Variants in SEMA6D observed in about 807,000 individuals in gnomAD.
The protein encoded by SEMA6D is semaphorin-6D.
A neutral mutation model predicts 106.6 loss-of-function variants in SEMA6D; 35 were observed. The ratio of observed to expected loss-of-function variants is 0.33; its 90% CI spans 0.25 to 0.44. The LOEUF (loss-of-function observed/expected upper bound fraction) is 0.44, where lower values mean the gene tolerates loss of function less well. Ranked by LOEUF, SEMA6D falls within the 20% of genes least tolerant of loss-of-function variation. The pLI is 1.00. For synonymous variants in SEMA6D, 499 were observed against 487.7 expected (o/e 1.02, Z -0.31); for missense variants, 1,185 against 1,345.9 (o/e 0.88, Z 1.87).
At chr15:47,581,235 T>C (rs2076249083) in intron 3 of SEMA6D, 3 of 397,944 alleles carry the variant, frequency 7.5e-6, no homozygotes, top group Non-Finnish European at 1.5e-5. Flanking sequence ...CCTGATGAAG[T>C]TTTTGCATGT....
At chr15:47,631,008 T>G (rs752160047) in intron 4 of SEMA6D, among the ~76,000 whole-genome samples, 1 of 151,868 alleles carries the variant, frequency 6.6e-6, no homozygotes, top group Non-Finnish European at 1.5e-5. Context: ...TTAAAATATT[T>G]TATAGATTTT....
chr15:47,649,227 A>G (rs1409176085), intron 4 of SEMA6D, among the ~76,000 whole-genome samples: 1 of 152,196 alleles, frequency 6.6e-6, no homozygotes. Context: ...AAATAGAAGC[A>G]TTGAGCCAGA....
chr15:47,484,932 T>C (rs2141346299), intron 3 of SEMA6D, among the ~76,000 whole-genome samples: 1 of 152,338 alleles, frequency 6.6e-6, no homozygotes, highest in Non-Finnish European at 1.5e-5. Context: ...CAATTCTAGT[T>C]GATTGATTTG....
chr15:47,702,646 C>T (rs1022707499), intron 4 of SEMA6D, among the ~76,000 whole-genome samples: 41 of 152,220 alleles, frequency 2.7e-4, no homozygotes, highest in African/African-American at 9.6e-4. Flanking sequence ...AATGGATAAA[C>T]TATAATACAT....
At chr15:47,471,403 G>A (rs1230371570) in intron 3 of SEMA6D, among the ~76,000 whole-genome samples, 1 of 152,164 alleles carries the variant, frequency 6.6e-6, no homozygotes, top group African/African-American at 2.4e-5. Flanking sequence ...TTCACCTTCT[G>A]TCATAAGTCA....
intron 17 of SEMA6D, 83 bp downstream of exon 17, chr15:47,767,176 G>A: frequency 1.2e-6 from 1 of 861,644 alleles, no homozygotes; most frequent in East Asian, 2.7e-5. Flanking sequence ...CCCTCCTTTT[G>A]CGCAGTTTGG....
At chr15:47,391,051 TC>T (rs2040013063) in intron 1 of SEMA6D, among the ~76,000 whole-genome samples, 1 of 152,204 alleles carries the variant, frequency 6.6e-6, no homozygotes, top group Non-Finnish European at 1.5e-5. Context: ...CCTTGCTTCT[TC>T]ATTTTACTAG....
intron 1 of SEMA6D, among the ~76,000 whole-genome samples, chr15:47,213,690 A>G (rs282520): frequency 0.99 from 150,511 of 152,156 alleles, 74,459 homozygotes; most frequent in Middle Eastern, 1. Flanking sequence ...AGTAAAAGAC[A>G]TTTTGTGGTG....
At chr15:47,386,915 G>GT (rs2145740107) in intron 1 of SEMA6D, among the ~76,000 whole-genome samples, 1 of 152,350 alleles carries the variant, frequency 6.6e-6, no homozygotes, top group African/African-American at 2.4e-5. Flanking sequence ...TGCAATAGGG[G>GT]TAAGGGATGG....
At position 47,764,577 on chromosome 15, in the gene SEMA6D, A is replaced by G. The variant is rs750219290; in HGVS notation, c.1098-61A>G. Reference sequence around the variant, plus strand: ...CTGAGAATATACACTTATTCCTTAGATACAGTACATGGTGTGGCAGGGGCA... The same window carrying G: ...CTGAGAATATACACTTATTCCTTAGGTACAGTACATGGTGTGGCAGGGGCA... On this transcript the variant is annotated intron_variant, in intron 11 of 18. Coordinates refer to ENST00000536845, the MANE Select transcript of SEMA6D (RefSeq NM_001358351.3). 7.5e-6 allele frequency: 12 copies of G among 1,593,488 alleles called. 1 individual carries two copies. In the Admixed American group the frequency reaches 1.5e-4, roughly 20 times the overall value.
At chr15:47,678,127 A>G (rs2078281151) in intron 4 of SEMA6D, among the ~76,000 whole-genome samples, 1 of 152,192 alleles carries the variant, frequency 6.6e-6, no homozygotes, top group Admixed American at 6.5e-5. Flanking sequence ...GGCAGAGAGA[A>G]CATAATTTTA....
intron 3 of SEMA6D, among the ~76,000 whole-genome samples, chr15:47,474,363 G>T (rs1364282150): frequency 1.3e-5 from 2 of 152,122 alleles, no homozygotes; most frequent in East Asian, 3.9e-4. Context: ...ATTGTAGAAT[G>T]TTTGCTCAAT....
intron 3 of SEMA6D, among the ~76,000 whole-genome samples, chr15:47,547,990 A>G (rs1451507320): frequency 1.3e-5 from 2 of 152,084 alleles, no homozygotes; most frequent in Admixed American, 6.6e-5. Context: ...TTTTCTCTCA[A>G]ATGCAAAACT....
intron 3 of SEMA6D, among the ~76,000 whole-genome samples, chr15:47,599,760 A>G (rs2076609109): frequency 6.6e-6 from 1 of 152,128 alleles, no homozygotes; most frequent in Admixed American, 6.6e-5. Context: ...TAATGCATAC[A>G]AAGCTCTGTT....
rs2077902588 is a variant in SEMA6D, at chr15:47,660,811, T to A, written c.-55+59915T>A. On this transcript the variant is annotated intron_variant, in intron 4 of 19. Transcript: ENST00000558014. ...TTCATTTTATTTCTTTACACTTGTT[T>A]GGACAGCATAAGGGAGCACGTTTTC... Among the ~76,000 whole-genome samples the A allele has an allele frequency of 2.0e-5, 3 of 152,210 alleles. 1 individual carries two copies. The South Asian group carries it at 6.2e-4, about 32-fold the overall frequency.
intron 3 of SEMA6D, among the ~76,000 whole-genome samples, chr15:47,515,345 T>C (rs146760463): frequency 1.3e-5 from 2 of 152,330 alleles, no homozygotes; most frequent in African/African-American, 2.4e-5. Flanking sequence ...TGATGTATTA[T>C]ATATTTTAGT....
In SEMA6D at chr15:47,766,215, A is replaced by G. The variant is rs779452368; in HGVS notation, c.1646+33A>G. The stretch of plus-strand genomic sequence containing the variant: ...TACTTTGTCACATGAGCTAGGATGA[A>G]CTATCCTCTCCAGGGTCTCTAAAGC... On this transcript the variant is annotated intron_variant, in intron 15 of 18. Transcript: ENST00000536845. The G allele has an allele frequency of 2.2e-5, 35 of 1,566,040 alleles. No individual in the cohort carries two copies. In the Admixed American group the frequency reaches 5.7e-4, roughly 26 times the overall value.
Position 47,343,444 on chromosome 15 carries a change from CCCCTT to C in SEMA6D, c.-238-68946_-238-68942del, listed in dbSNP as rs2037911018. Among the ~76,000 whole-genome samples, 3 of 148,684 alleles carry C rather than the reference CCCCTT, an allele frequency of 2.0e-5. No individual in the cohort carries two copies. The South Asian group carries it at 6.6e-4, about 33-fold the overall frequency. ...ACAACAGTCCCCAGTGTGTGATGTT[CCCCTT>C]CCTGTGTCCATGTGTTCTCATTGTT... is the stretch of plus-strand genomic sequence containing the variant. On this transcript the variant is annotated intron_variant, in intron 1 of 19. Coordinates refer to the SEMA6D transcript ENST00000558014.
intron 1 of SEMA6D, among the ~76,000 whole-genome samples, chr15:47,195,943 C>T (rs200959960): frequency 5.0e-4 from 1 of 2,020 alleles, no homozygotes; most frequent in Non-Finnish European, 0.028. Flanking sequence ...GAAAGCAAGG[C>T]CCCCCAGGCC....
Sources: allele counts gnomAD v4.1 joint callset (sites outside exome capture counted in the v4.1 genomes callset), GRCh38; gene constraint gnomAD v4.1.1; transcripts MANE v1.5; gene names NCBI Gene and HGNC (gene_info 2026-07-23, HGNC 2026-07-21).